The following MGAT4C variants were observed in gnomAD, a reference collection of about 807,000 sequenced individuals.
MGAT4C encodes the protein MGAT4 family member C.
MGAT4C carries 19 observed loss-of-function variants against 40.1 expected under a neutral mutation model. The ratio of observed to expected loss-of-function variants is 0.47; its 90% CI spans 0.33 to 0.70. The LOEUF (loss-of-function observed/expected upper bound fraction) is 0.70. Among genes scored for constraint, MGAT4C ranks in the 30% least tolerant of loss-of-function variants. MGAT4C has a pLI of 0.02. For synonymous variants in MGAT4C, 181 were observed against 187.1 expected (o/e 0.97, Z 0.27); for missense variants, 491 against 563.2 (o/e 0.87, Z 1.30).
intron 2 of MGAT4C, among the ~76,000 whole-genome samples, chr12:86,726,254 G>T (rs746270228): frequency 4.6e-5 from 7 of 152,158 alleles, no homozygotes; most frequent in African/African-American, 1.7e-4. Context: ...GAAGTCACAT[G>T]AATACACATT....
rs1011673470 is a variant in MGAT4C at position 85,965,892 on chromosome 12, A to G, written c.*13397T>C. On this transcript the variant is annotated 3_prime_UTR_variant, in exon 5 of 5. Coordinates refer to ENST00000611864, the MANE Select transcript of MGAT4C (RefSeq NM_001351288.2). ...AAAAGTGGACAAATTTTTATACTATATCCTAATAATGATACAAGGTGACTT... is the reference window on the plus strand; with the variant it reads ...AAAAGTGGACAAATTTTTATACTATGTCCTAATAATGATACAAGGTGACTT... The G allele has an allele frequency of 6.6e-6, 1 of 152,146 alleles. No individual in the cohort carries two copies. Among genetic ancestry groups the G allele is most frequent in the African/African-American group, 2.4e-5 (1 of 41,438 alleles). The allele number at this position is 152,146 out of a possible 1,614,324, so 9.4% of individuals were successfully genotyped here.
chr12:85,975,773 C>T lies in MGAT4C; in HGVS notation c.*3516G>A, dbSNP rs544780289. The T allele has an allele frequency of 1.7e-4, 25 of 150,908 alleles. No individual in the cohort carries two copies. Among genetic ancestry groups the T allele is most frequent in the East Asian group, 9.7e-4 (5 of 5,166 alleles). 9.3% of individuals were successfully genotyped at this position (150,908 alleles called of 1,614,324 possible). On this transcript the variant is annotated 3_prime_UTR_variant, in exon 5 of 5. Coordinates refer to ENST00000611864, the MANE Select transcript of MGAT4C (RefSeq NM_001351288.2). ...CAAAATCAGTTGAATTTGTACAAAA[C>T]GGTAAATCATTTTATCAGTAGATCC...
At chr12:86,174,249 T>C (rs945369963) in intron 1 of MGAT4C, among the ~76,000 whole-genome samples, 1 of 152,060 alleles carries the variant, frequency 6.6e-6, no homozygotes, top group African/African-American at 2.4e-5. Context: ...TTAGTCTGTA[T>C]GTACTTCCCT....
chr12:85,983,666 C>G lies in MGAT4C; in HGVS notation c.152G>C (p.Gly51Ala). 1 of 1,565,298 alleles carries G rather than the reference C, an allele frequency of 6.4e-7. No individual in the cohort carries two copies. The highest frequency in any genetic ancestry group is 8.6e-7 in the Non-Finnish European group (1 of 1,158,618). The change falls in exon 4 of 5, where the codon GGA becomes GCA. Residue 51 changes from glycine (G) to alanine (A), a missense_variant. Physicochemically the swap from Gly to Ala is moderately conservative, Grantham distance 60. Transcript: ENST00000611864. ...TGTTTCCCTTATAAGTTGTTTGTCTCCTTCCTAAATACCAAGAAAGAAGCA... is the reference window on the plus strand; with the variant it reads ...TGTTTCCCTTATAAGTTGTTTGTCTGCTTCCTAAATACCAAGAAAGAAGCA... ...LYIEDSYVLE[G>A]DKQLIRETST...
At chr12:86,822,369 T>C (rs1436370958) in intron 1 of MGAT4C, among the ~76,000 whole-genome samples, 1 of 151,136 alleles carries the variant, frequency 6.6e-6, no homozygotes, top group Non-Finnish European at 1.5e-5. Context: ...ATTTTGAATG[T>C]AAATGAATTA....
chr12:86,002,156 G>T (rs924752726), intron 2 of MGAT4C: 6 of 151,934 alleles, frequency 3.9e-5, no homozygotes, highest in African/African-American at 1.5e-4. Flanking sequence ...CTGAACTTTA[G>T]GTCTCCTATT....
intron 1 of MGAT4C, among the ~76,000 whole-genome samples, chr12:86,819,715 A>T (rs1270683594): frequency 6.6e-6 from 1 of 150,868 alleles, no homozygotes; most frequent in Admixed American, 6.6e-5. Context: ...TTTTTCGTAT[A>T]ATAATTTGCA....
intron 2 of MGAT4C, among the ~76,000 whole-genome samples, chr12:86,027,150 A>C (rs549708347): frequency 6.6e-6 from 1 of 151,980 alleles, no homozygotes; most frequent in South Asian, 2.1e-4. Context: ...TCATAAGCAA[A>C]CTGAACATAC....
intron 1 of MGAT4C, among the ~76,000 whole-genome samples, chr12:86,783,339 C>A (rs1951875394): frequency 6.6e-6 from 1 of 152,152 alleles, no homozygotes; most frequent in Admixed American, 6.5e-5. Flanking sequence ...CATATATTTA[C>A]ACAGTTTGAT....
At chr12:86,319,410 G>A (rs1012653869) in intron 4 of MGAT4C, among the ~76,000 whole-genome samples, 2 of 151,948 alleles carry the variant, frequency 1.3e-5, no homozygotes, top group African/African-American at 2.4e-5. Flanking sequence ...CCATTTCCAC[G>A]TAGTCCATCA....
chr12:86,596,143 T>C (rs1961529141), intron 2 of MGAT4C, among the ~76,000 whole-genome samples: 1 of 152,158 alleles, frequency 6.6e-6, no homozygotes, highest in African/African-American at 2.4e-5. Context: ...TGCAGGTTTG[T>C]TACATTTATT....
At chr12:86,320,648 C>T (rs1400013192) in intron 4 of MGAT4C, among the ~76,000 whole-genome samples, 1 of 152,036 alleles carries the variant, frequency 6.6e-6, no homozygotes, top group Non-Finnish European at 1.5e-5. Context: ...AATCTCACTG[C>T]TGATCAGTGG....
chr12:86,234,943 C>T (rs1951470121), intron 1 of MGAT4C, among the ~76,000 whole-genome samples: 1 of 152,050 alleles, frequency 6.6e-6, no homozygotes, highest in South Asian at 2.1e-4. Flanking sequence ...CTTATTACGT[C>T]TCTTTTAGTG....
chr12:86,245,146 A>G (rs745715551), intron 1 of MGAT4C, among the ~76,000 whole-genome samples: 6 of 152,184 alleles, frequency 3.9e-5, no homozygotes, highest in Non-Finnish European at 5.9e-5. Context: ...GAGATCAGCC[A>G]TCTACCCTTC....
chr12:86,077,093 T>C (rs1237535383), intron 1 of MGAT4C, among the ~76,000 whole-genome samples: 2 of 152,116 alleles, frequency 1.3e-5, no homozygotes, highest in African/African-American at 2.4e-5. Context: ...CACAACCCAC[T>C]GACTCAAATG....
intron 1 of MGAT4C, chr12:86,745,171 A>C (rs756841149): frequency 6.6e-6 from 1 of 151,464 alleles, no homozygotes; most frequent in Non-Finnish European, 1.5e-5. Flanking sequence ...GTGCAAAATA[A>C]AGTTTTTTTT....
rs766911495 is a variant in MGAT4C at position 86,656,196 on chromosome 12, G to A, written c.-229+71013C>T. Among the ~76,000 whole-genome samples, 55 of 151,860 alleles carry A rather than the reference G, an allele frequency of 3.6e-4. 1 individual carries two copies. The Middle Eastern group carries it at 0.01, about 28-fold the overall frequency. On this transcript the variant is annotated intron_variant, in intron 2 of 7. Transcript: ENST00000548651. The stretch of plus-strand genomic sequence containing the variant: ...GTAAAAAGTAATAATTGATCTTTCC[G>A]TGGTAAATCATAGCATATTATGTTA...
chr12:86,646,874 C>T (rs937744795), intron 2 of MGAT4C, among the ~76,000 whole-genome samples: 1 of 151,820 alleles, frequency 6.6e-6, no homozygotes, highest in African/African-American at 2.4e-5. Flanking sequence ...TGTTTTGATA[C>T]ATGTATGTAT....
chr12:86,643,949 GAAT>G (rs1963464415), intron 2 of MGAT4C, among the ~76,000 whole-genome samples: 7 of 151,536 alleles, frequency 4.6e-5, no homozygotes. Flanking sequence ...ATCTCAATAA[GAAT>G]AATAAAATTT....
Sources: allele counts gnomAD v4.1 joint callset (sites outside exome capture counted in the v4.1 genomes callset), GRCh38; gene constraint gnomAD v4.1.1; transcripts MANE v1.5; gene names NCBI Gene and HGNC (gene_info 2026-07-23, HGNC 2026-07-21).